ESR2: variants seen among roughly 807,000 people sequenced by gnomAD.
The protein encoded by ESR2 is estrogen receptor beta.
A neutral mutation model predicts 49.6 loss-of-function variants in ESR2; 36 were observed. The observed-to-expected ratio is 0.73, with a 90% CI of 0.56 to 0.96. The LOEUF is 0.96. Among genes scored for constraint, ESR2 ranks in the 40% least tolerant of loss-of-function variants. ESR2 has a pLI of 0.00. For missense variants in ESR2, 714 were observed against 693.0 expected (o/e 1.03, Z -0.34); for synonymous variants, 320 against 266.1 (o/e 1.20, Z -1.97).
chr14:64,307,786 G>A (rs1463988623), intron 1 of ESR2, among the ~76,000 whole-genome samples: 2 of 151,530 alleles, frequency 1.3e-5, no homozygotes, highest in African/African-American at 2.4e-5. Flanking sequence ...CACCCGCCTC[G>A]GCCTCCAAAA....
intron 7 of ESR2, among the ~76,000 whole-genome samples, chr14:64,240,972 G>A (rs556213570): frequency 1.3e-5 from 2 of 151,502 alleles, no homozygotes; most frequent in East Asian, 1.9e-4. Context: ...GTGAAACCCC[G>A]TCTCTACTAA....
At chr14:64,290,138 C>T (rs1424957094) in intron 1 of ESR2, among the ~76,000 whole-genome samples, 4 of 152,160 alleles carry the variant, frequency 2.6e-5, no homozygotes, top group African/African-American at 9.7e-5. Context: ...GTGGCAAGAT[C>T]ATGGCCTACT....
chr14:64,319,428 A>C (rs561023236), intron 1 of ESR2, among the ~76,000 whole-genome samples: 2 of 152,140 alleles, frequency 1.3e-5, no homozygotes, highest in Non-Finnish European at 2.9e-5. Flanking sequence ...GACAAGTTGG[A>C]CTTCATTAAA....
chr14:64,242,450 AAATATATAT>A (rs2075752487), intron 7 of ESR2, among the ~76,000 whole-genome samples: 1 of 145,690 alleles, frequency 6.9e-6, no homozygotes, highest in African/African-American at 2.5e-5. Flanking sequence ...CAAACAAAAA[AAATATATAT>A]ATATATATAA....
chr14:64,262,846 G>T (rs896934739), intron 4 of ESR2, among the ~76,000 whole-genome samples: 2 of 152,166 alleles, frequency 1.3e-5, no homozygotes, highest in Non-Finnish European at 2.9e-5. Flanking sequence ...GGGAGGCAGA[G>T]GCTGCAGTGA....
chr14:64,284,739 C>T (rs564102419), intron 1 of ESR2, among the ~76,000 whole-genome samples: 6 of 152,324 alleles, frequency 3.9e-5, no homozygotes, highest in African/African-American at 1.2e-4. Context: ...TTTGACTTCT[C>T]CCCTTGACTC....
intron 4 of ESR2, among the ~76,000 whole-genome samples, chr14:64,263,610 A>G (rs774207390): frequency 6.6e-5 from 10 of 152,006 alleles, no homozygotes; most frequent in African/African-American, 1.4e-4. Context: ...AGACCGTGCC[A>G]TGCACTCCAG....
intron 1 of ESR2, among the ~76,000 whole-genome samples, chr14:64,299,809 T>A (rs1440341853): frequency 6.6e-6 from 1 of 152,176 alleles, no homozygotes; most frequent in Non-Finnish European, 1.5e-5. Context: ...TTGCTGGGAA[T>A]TATAAACAGA....
At position 64,229,374 on chromosome 14, in the gene ESR2, T is replaced by G. The variant is rs1567722130; in HGVS notation, c.*3763A>C. On this transcript the variant is annotated 3_prime_UTR_variant, in exon 9 of 9. Transcript: ENST00000341099. ...GTGCCAGTCCAAGCTTTGCCATGAG[T>G]AGTTTTATGACCTTGAATAGGTGAA... Among the ~76,000 whole-genome samples, 2 of 151,888 alleles carry G rather than the reference T, an allele frequency of 1.3e-5. No homozygotes were observed. Among genetic ancestry groups the G allele is most frequent in the Non-Finnish European group, 2.9e-5 (2 of 67,978 alleles).
rs2098731148 is a variant in ESR2, at chr14:64,235,018, A to G, written c.1358T>C (p.Met453Thr). Residue 453 changes from methionine to threonine, a missense_variant, in exon 8 of 9, where the codon ATG (methionine) becomes ACG (threonine). Transcript: ENST00000341099. ...KSGISSQQQS[M>T]RLANLLMLLS... The stretch of plus-strand genomic sequence containing the variant: ...GAGCATCAGGAGGTTAGCCAGGCGC[A>G]TGGATTGCTGCTGGGAGGAGATGCC... The G allele has an allele frequency of 6.2e-6, 10 of 1,614,226 alleles. No individual in the cohort carries two copies. The East Asian group carries it at 8.9e-5, about 14-fold the overall frequency.
chr14:64,284,798 T>G (rs1157063932), intron 1 of ESR2, among the ~76,000 whole-genome samples: 1 of 152,192 alleles, frequency 6.6e-6, no homozygotes, highest in Non-Finnish European at 1.5e-5. Flanking sequence ...CCAATGCCTT[T>G]TTTCCACTGT....
intron 1 of ESR2, among the ~76,000 whole-genome samples, chr14:64,310,083 C>T (rs1445408425): frequency 6.7e-6 from 1 of 150,092 alleles, no homozygotes; most frequent in Non-Finnish European, 1.5e-5. Flanking sequence ...GAGACTCCGT[C>T]TTAAAAAAAA....
chr14:64,277,874 A>G (rs1206962471), intron 3 of ESR2, among the ~76,000 whole-genome samples: 1 of 152,174 alleles, frequency 6.6e-6, no homozygotes, highest in Non-Finnish European at 1.5e-5. Flanking sequence ...GCAGGAAGGA[A>G]GAAACAACAT....
chr14:64,320,759 G>A (rs747819405), intron 1 of ESR2, among the ~76,000 whole-genome samples: 9 of 152,108 alleles, frequency 5.9e-5, no homozygotes, highest in Middle Eastern at 3.2e-3. Context: ...GTCGGGTGTG[G>A]TGGTGCATGT....
At position 64,292,864 on chromosome 14, in the gene ESR2, GATTT is replaced by G. The variant is rs568640063; in HGVS notation, c.-91+1165_-91+1168del. Among the ~76,000 whole-genome samples the G allele has an allele frequency of 4.1e-3, 620 of 152,218 alleles. 2 individuals are homozygous for G. The highest frequency in any genetic ancestry group is 0.014 in the African/African-American group (589 of 41,536). On this transcript the variant is annotated intron_variant, in intron 1 of 8. Transcript: ENST00000341099. ...CATTAAGAAATGTAAACTGTGATTAGATTTATTCACATCCCTCAGAACACTACGA... is the reference window on the plus strand; with the variant it reads ...CATTAAGAAATGTAAACTGTGATTAGATTCACATCCCTCAGAACACTACGA...
At chr14:64,266,419 T>C (rs924306178) in intron 4 of ESR2, among the ~76,000 whole-genome samples, 9 of 152,178 alleles carry the variant, frequency 5.9e-5, no homozygotes, top group African/African-American at 2.2e-4. Context: ...AAATGAAACA[T>C]AGACTCTATG....
intron 1 of ESR2, among the ~76,000 whole-genome samples, chr14:64,284,850 CTTT>C (rs780694583): frequency 2.1e-5 from 3 of 139,592 alleles, no homozygotes; most frequent in Admixed American, 7.2e-5. Flanking sequence ...TATCGCATTA[CTTT>C]TTTTTTTTTT....
chr14:64,302,965 A>G (rs1362090031), intron 1 of ESR2, among the ~76,000 whole-genome samples: 1 of 151,986 alleles, frequency 6.6e-6, no homozygotes, highest in African/African-American at 2.4e-5. Context: ...CGCCCAGCTA[A>G]TTTTTTGTAT....
intron 7 of ESR2, among the ~76,000 whole-genome samples, chr14:64,236,595 T>C (rs2075605177): frequency 6.6e-6 from 1 of 152,000 alleles, no homozygotes; most frequent in African/African-American, 2.4e-5. Context: ...CCACCACACC[T>C]CGCCTTGAGT....
Sources: allele counts gnomAD v4.1 joint callset (sites outside exome capture counted in the v4.1 genomes callset), GRCh38; gene constraint gnomAD v4.1.1; transcripts MANE v1.5; gene names NCBI Gene and HGNC (gene_info 2026-07-23, HGNC 2026-07-21).